C10orf143: variants seen among roughly 807,000 people sequenced by gnomAD.
The protein encoded by C10orf143 is chromosome 10 open reading frame 143, also known as uncharacterized protein C10orf143.
intron 3 of C10orf143, chr10:130,068,149 C>G (rs1860967928): frequency 6.6e-6 from 1 of 152,342 alleles, no homozygotes; most frequent in Admixed American, 6.6e-5. Context: ...TGGGAGAGCC[C>G]AGGTGCCCCC....
intron 3 of C10orf143, among the ~76,000 whole-genome samples, chr10:130,054,339 C>T (rs1860772790): frequency 6.6e-6 from 1 of 152,184 alleles, no homozygotes; most frequent in Admixed American, 6.5e-5. Context: ...CATGTTGTCA[C>T]ATAGGACAGG....
In C10orf143 at chr10:130,064,080, C is replaced by G. The variant is rs980356376; in HGVS notation, c.*274G>C. The G allele has an allele frequency of 9.1e-6, 3 of 329,490 alleles. No individual in the cohort carries two copies. The highest frequency in any genetic ancestry group is 1.6e-5 in the Non-Finnish European group (3 of 183,326). 20.4% of individuals were successfully genotyped at this position (329,490 alleles called of 1,614,324 possible). ...GACTTGTAAATAATGCAATTGATCT[C>G]CCTCTCAACCAGGAACATTCGAAAG... is the stretch of plus-strand genomic sequence containing the variant. On this transcript the variant is annotated 3_prime_UTR_variant, in exon 4 of 4. Transcript: ENST00000637128.
intron 3 of C10orf143, chr10:130,068,380 G>A (rs753490676): frequency 6.6e-6 from 1 of 152,278 alleles, no homozygotes; most frequent in Admixed American, 6.5e-5. Context: ...GGGAGGCCGA[G>A]GTGGGTGGAT....
chr10:130,110,047 T>G (rs1861734241), intron 1 of C10orf143, among the ~76,000 whole-genome samples: 1 of 152,040 alleles, frequency 6.6e-6, no homozygotes, highest in Non-Finnish European at 1.5e-5. Flanking sequence ...GACGCTAAGC[T>G]CCTTCCTCCA....
intron 1 of C10orf143, chr10:130,106,347 A>G: frequency 1.2e-6 from 2 of 1,600,800 alleles, no homozygotes; most frequent in South Asian, 2.2e-5. Flanking sequence ...CTTGTTCAAA[A>G]AGAGTATGAA....
downstream of C10orf143, among the ~76,000 whole-genome samples, chr10:130,058,980 A>G (rs535303689): frequency 1.3e-5 from 2 of 152,350 alleles, no homozygotes; most frequent in South Asian, 4.1e-4. Context: ...CATGAGAAAG[A>G]TCAAAGAACA....
chr10:130,080,374 G>A (rs1447545089), intron 1 of C10orf143, among the ~76,000 whole-genome samples: 3 of 152,332 alleles, frequency 2.0e-5, no homozygotes, highest in East Asian at 3.9e-4. Context: ...TGCATACACA[G>A]TCCATAACTG....
At chr10:130,036,819 C>T (rs1023941381) in intron 3 of C10orf143, among the ~76,000 whole-genome samples, 2 of 152,060 alleles carry the variant, frequency 1.3e-5, no homozygotes, top group Non-Finnish European at 2.9e-5. Context: ...TCCTAGAGAA[C>T]AATGGTGCCC....
At chr10:130,106,260 T>G in intron 1 of C10orf143, 1 of 1,536,370 alleles carries the variant, frequency 6.5e-7, no homozygotes. Flanking sequence ...CGGCTTTATG[T>G]GGGAAGAGAG....
At chr10:130,103,958 T>C (rs2134814091) in intron 1 of C10orf143, 1 of 152,302 alleles carries the variant, frequency 6.6e-6, no homozygotes, top group Middle Eastern at 3.4e-3. Flanking sequence ...GTGAGTTCTT[T>C]AGGGAGAAGA....
intron 1 of C10orf143, among the ~76,000 whole-genome samples, chr10:130,087,669 TA>T (rs529189505): frequency 2.6e-5 from 4 of 152,218 alleles, no homozygotes; most frequent in African/African-American, 7.2e-5. Flanking sequence ...CTATAAGGGA[TA>T]GGGGGTTGAA....
intron 1 of C10orf143, among the ~76,000 whole-genome samples, chr10:130,083,188 C>T (rs1222102373): frequency 6.6e-6 from 1 of 152,154 alleles, no homozygotes; most frequent in African/African-American, 2.4e-5. Context: ...TGTTCAAATG[C>T]ACTCATATTT....
chr10:130,081,535 A>AACTC (rs1239391654), intron 1 of C10orf143, among the ~76,000 whole-genome samples: 4 of 152,162 alleles, frequency 2.6e-5, no homozygotes, highest in African/African-American at 9.7e-5. Context: ...TCCTCTCAAG[A>AACTC]ACTCACAGCA....
chr10:130,052,749 A>C (rs555612282), intron 3 of C10orf143, among the ~76,000 whole-genome samples: 25 of 152,390 alleles, frequency 1.6e-4, no homozygotes, highest in Non-Finnish European at 2.5e-4. Context: ...CTATCGGTCA[A>C]CTAATCAGCG....
intron 3 of C10orf143, among the ~76,000 whole-genome samples, chr10:130,048,087 C>T (rs927344341): frequency 6.6e-6 from 1 of 152,202 alleles, no homozygotes; most frequent in Admixed American, 6.5e-5. Context: ...GCATCACAGG[C>T]CCCCTATCAT....
chr10:130,071,849 C>T (rs188962220), intron 3 of C10orf143, among the ~76,000 whole-genome samples: 1 of 152,280 alleles, frequency 6.6e-6, no homozygotes, highest in East Asian at 1.9e-4. Context: ...GTCTTGAACT[C>T]CCAACCTCAG....
At position 130,051,276 on chromosome 10, in the gene C10orf143, T is replaced by C. The variant is rs1204632096; in HGVS notation, c.298-15306A>G. Among the ~76,000 whole-genome samples, 10 of 127,224 alleles carry C rather than the reference T, an allele frequency of 7.9e-5. No homozygotes were observed. The East Asian group carries it at 8.3e-4, about 11-fold the overall frequency. The allele number at this position is 127,224 out of a possible 152,430, so 83.5% of individuals were successfully genotyped here. On this transcript the variant is annotated intron_variant and NMD_transcript_variant, in intron 3 of 5. Coordinates refer to the C10orf143 transcript ENST00000643056. ...CATTAAGAGTCTCATCTCCCTCTCC[T>C]ACCCCCGCCTCATTAAGAGTCTCAT...
intron 1 of C10orf143, among the ~76,000 whole-genome samples, chr10:130,110,104 T>C (rs182711592): frequency 6.6e-6 from 1 of 152,214 alleles, no homozygotes; most frequent in East Asian, 1.9e-4. Context: ...CGGTCATCCT[T>C]CAAGTCTCAC....
chr10:130,067,067 G>A (rs1254191359), intron 3 of C10orf143: 1 of 152,200 alleles, frequency 6.6e-6, no homozygotes, highest in Non-Finnish European at 1.5e-5. Context: ...AATGAAAAGG[G>A]CCCAGGGCCA....
Sources: allele counts gnomAD v4.1 joint callset (sites outside exome capture counted in the v4.1 genomes callset), GRCh38; gene constraint gnomAD v4.1.1; transcripts MANE v1.5; gene names NCBI Gene and HGNC (gene_info 2026-07-23, HGNC 2026-07-21).